Variants in PBLD observed in about 807,000 individuals in gnomAD.
PBLD encodes phenazine biosynthesis-like domain-containing protein.
A neutral mutation model predicts 31.3 loss-of-function variants in PBLD; 26 were observed. The ratio of observed to expected loss-of-function variants is 0.83; its 90% CI spans 0.61 to 1.15. The LOEUF is 1.15. Among genes scored for constraint, PBLD ranks in the 50% most tolerant of loss-of-function variants. The pLI, the probability that PBLD is intolerant of heterozygous loss-of-function variation, is 0.00. For missense variants in PBLD, 307 were observed against 351.7 expected (o/e 0.87, Z 1.02); for synonymous variants, 114 against 129.0 (o/e 0.88, Z 0.79).
At chr10:68,310,057 A>T (rs1352695911) in intron 1 of PBLD, among the ~76,000 whole-genome samples, 1 of 148,486 alleles carries the variant, frequency 6.7e-6, no homozygotes, top group Non-Finnish European at 1.5e-5. Context: ...AATTGCTTGA[A>T]CCTGGGAGGC....
At chr10:68,284,388 T>A in intron 9 of PBLD, 99 bp from the exon 10 acceptor site, 2 of 1,014,278 alleles carry the variant, frequency 2.0e-6, no homozygotes, top group Non-Finnish European at 2.9e-6. Flanking sequence ...TCCTCCCAGA[T>A]CAGTTTCAAG....
intron 1 of PBLD, among the ~76,000 whole-genome samples, 160 bp from the exon 2 acceptor site, chr10:68,307,063 C>G (rs889974297): frequency 2.6e-5 from 4 of 152,150 alleles, no homozygotes; most frequent in African/African-American, 4.8e-5. Context: ...GAGTCTTGCT[C>G]TGTTGCCCAG....
At position 68,306,862 on chromosome 10, in the gene PBLD, T is replaced by A; in HGVS notation, c.-18A>T. On this transcript the variant is annotated 5_prime_UTR_variant, in exon 2 of 10. Coordinates refer to ENST00000358769, the MANE Select transcript of PBLD (RefSeq NM_022129.4). The stretch of plus-strand genomic sequence containing the variant: ...AGCTTCATTTTCCTTGCAAGCTGTT[T>A]TTGCAAGTTCTCAAAATTGCTGGTA... 1 of 1,595,652 alleles carries A rather than the reference T, an allele frequency of 6.3e-7. No individual in the cohort carries two copies. Among genetic ancestry groups the A allele is most frequent in the Non-Finnish European group, 8.6e-7 (1 of 1,166,478 alleles).
At chr10:68,301,104 C>T (rs4746755) in intron 2 of PBLD, among the ~76,000 whole-genome samples, 119,720 of 152,024 alleles carry the variant, frequency 0.79, 47,776 homozygotes, top group Non-Finnish European at 0.86. Flanking sequence ...CCATGTTGGC[C>T]AGACTGGTCT....
At chr10:68,318,375 TA>T (rs34722771) in intron 1 of PBLD, among the ~76,000 whole-genome samples, 19 of 51,280 alleles carry the variant, frequency 3.7e-4, no homozygotes, top group African/African-American at 4.1e-4. Context: ...CTGCCTCTAT[TA>T]AAAAAAAAAA....
intron 1 of PBLD, among the ~76,000 whole-genome samples, chr10:68,316,937 C>A (rs998954225): frequency 6.6e-6 from 1 of 152,070 alleles, no homozygotes; most frequent in Non-Finnish European, 1.5e-5. Context: ...CGCTTGAGAC[C>A]CGGAGATGGA....
At chr10:68,289,663 T>TCACACACACACA (rs1183126379) in intron 6 of PBLD, among the ~76,000 whole-genome samples, 20,686 of 136,202 alleles carry the variant, frequency 0.15, 1,922 homozygotes, top group East Asian at 0.19. Flanking sequence ...AGGCCAAAGA[T>TCACACACACACA]CACACACACA....
intron 1 of PBLD, among the ~76,000 whole-genome samples, chr10:68,330,382 CCCCAACAGGCTT>C: frequency 6.6e-6 from 1 of 152,132 alleles, no homozygotes; most frequent in Non-Finnish European, 1.5e-5. Context: ...CTCACCCTAC[CCCCAACAGGCTT>C]CCCAATGTCT....
intron 4 of PBLD, among the ~76,000 whole-genome samples, chr10:68,295,362 G>A (rs567024998): frequency 9.2e-5 from 14 of 152,016 alleles, no homozygotes; most frequent in East Asian, 7.8e-4. Flanking sequence ...GTGTGGTGGT[G>A]TGCACCTGGG....
chr10:68,307,898 G>A (rs1030963623), intron 1 of PBLD, among the ~76,000 whole-genome samples: 3 of 152,042 alleles, frequency 2.0e-5, no homozygotes, highest in African/African-American at 4.8e-5. Context: ...TTAAAAGAAC[G>A]CATTTTTTCT....
chr10:68,286,399 T>C (rs1002670859), intron 8 of PBLD, among the ~76,000 whole-genome samples: 1 of 152,250 alleles, frequency 6.6e-6, no homozygotes, highest in South Asian at 2.1e-4. Context: ...TGCATAAGTC[T>C]TTCTACATCT....
intron 8 of PBLD, 165 bp downstream of exon 8, chr10:68,288,318 C>T (rs1268324436): frequency 1.4e-6 from 1 of 729,590 alleles, no homozygotes; most frequent in African/African-American, 1.8e-5. Context: ...TTATGTTTTT[C>T]ATGGAAGACT....
intron 1 of PBLD, among the ~76,000 whole-genome samples, chr10:68,311,677 G>A (rs777044545): frequency 1.1e-4 from 16 of 151,074 alleles, no homozygotes; most frequent in African/African-American, 2.7e-4. Flanking sequence ...GCTTGAACCC[G>A]GGAAGCGGAG....
At chr10:68,285,304 C>A (rs776323867) in intron 9 of PBLD, 44 bp downstream of exon 9, 1 of 1,613,792 alleles carries the variant, frequency 6.2e-7, no homozygotes, top group Non-Finnish European at 8.5e-7. Context: ...ACACTAGCTT[C>A]GAATTAGGCA....
chr10:68,304,344 A>C (rs1170202433), intron 2 of PBLD, among the ~76,000 whole-genome samples: 1 of 152,248 alleles, frequency 6.6e-6, no homozygotes, highest in Non-Finnish European at 1.5e-5. Context: ...ACAGGCCGTG[A>C]AATTTTCCTG....
intron 1 of PBLD, among the ~76,000 whole-genome samples, chr10:68,316,739 A>G (rs1233356984): frequency 2.6e-5 from 4 of 152,164 alleles, no homozygotes; most frequent in African/African-American, 9.6e-5. Context: ...TTGGTGGGGT[A>G]CAGTGGCTCA....
At chr10:68,302,346 T>C (rs1443517447) in intron 2 of PBLD, among the ~76,000 whole-genome samples, 1 of 152,184 alleles carries the variant, frequency 6.6e-6, no homozygotes, top group Non-Finnish European at 1.5e-5. Context: ...CCACAAAGAT[T>C]AATGATCAGA....
At chr10:68,296,795 G>C (rs1350421479) in intron 3 of PBLD, 91 bp downstream of exon 3, 6 of 1,130,628 alleles carry the variant, frequency 5.3e-6, no homozygotes, top group Non-Finnish European at 7.9e-6. Context: ...CTTGAACGCA[G>C]GAGGCGGAGG....
chr10:68,296,787 T>C, intron 3 of PBLD, 99 bp downstream of exon 3: 1 of 1,071,380 alleles, frequency 9.3e-7, no homozygotes, highest in Non-Finnish European at 1.4e-6. Flanking sequence ...AATAATTGCT[T>C]GAACGCAGGA....
Sources: allele counts gnomAD v4.1 joint callset (sites outside exome capture counted in the v4.1 genomes callset), GRCh38; gene constraint gnomAD v4.1.1; transcripts MANE v1.5; gene names NCBI Gene and HGNC (gene_info 2026-07-23, HGNC 2026-07-21).